ADAMTS19: variants seen among roughly 807,000 people sequenced by gnomAD.
The protein encoded by ADAMTS19 is ADAM metallopeptidase with thrombospondin type 1 motif 19.
Under a neutral mutation model 153.3 loss-of-function variants are expected in ADAMTS19, and 93 were observed. The ratio of observed to expected loss-of-function variants is 0.61; its 90% CI spans 0.51 to 0.72. ADAMTS19 has a LOEUF of 0.72. Ranked by LOEUF, ADAMTS19 falls within the 30% of genes least tolerant of loss-of-function variation. ADAMTS19 has a pLI of 0.00. For synonymous variants in ADAMTS19, 600 were observed against 556.6 expected, an observed-to-expected ratio of 1.08 and a Z score of -1.10; for missense variants, 1,482 against 1,552.1, an observed-to-expected ratio of 0.95 and a Z score of 0.76.
intron 5 of ADAMTS19, among the ~76,000 whole-genome samples, chr5:129,528,278 T>C (rs1379026426): frequency 6.6e-6 from 1 of 152,044 alleles, no homozygotes; most frequent in African/African-American, 2.4e-5. Context: ...ATATTCTTAA[T>C]TGAACCTCTT....
At chr5:129,632,937 C>T (rs1752365268) in intron 10 of ADAMTS19, among the ~76,000 whole-genome samples, 2 of 152,066 alleles carry the variant, frequency 1.3e-5, no homozygotes, top group African/African-American at 4.8e-5. Context: ...TGCCTTTTCT[C>T]AAATTTGGAA....
intron 6 of ADAMTS19, among the ~76,000 whole-genome samples, chr5:129,534,857 T>G (rs1752356245): frequency 6.6e-6 from 1 of 152,170 alleles, no homozygotes; most frequent in South Asian, 2.1e-4. Flanking sequence ...GAAAAGGCCT[T>G]TGACAAAATT....
chr5:129,662,887 CATTTTT>C (rs1753875225), intron 15 of ADAMTS19, among the ~76,000 whole-genome samples: 1 of 125,420 alleles, frequency 8.0e-6, no homozygotes, highest in South Asian at 2.4e-4. Context: ...GATTCTTCTT[CATTTTT>C]TTTTTTTTTT....
At position 129,492,493 on chromosome 5, in the gene ADAMTS19, ATAAT is replaced by A. The variant is rs746895148; in HGVS notation, c.748-16580_748-16577del. 1.6e-4 allele frequency among the ~76,000 whole-genome samples: 23 copies of A among 143,974 alleles called. No homozygotes were observed. In the South Asian group the frequency reaches 3.3e-3, roughly 21 times the overall value. 94.5% of individuals were successfully genotyped at this position (143,974 alleles called of 152,430 possible). A position where few individuals can be genotyped will look rare whatever the true frequency, so the allele number is the denominator to read the frequency against. ...CAGAGAGTACTGATGTATTGCTTGT[ATAAT>A]TAAAGGTCAGTGTGTGTGTGTGTGT... is the stretch of plus-strand genomic sequence containing the variant. On this transcript the variant is annotated intron_variant, in intron 2 of 22. Transcript: ENST00000274487.
At chr5:129,517,855 C>T (rs543468847) in intron 3 of ADAMTS19, among the ~76,000 whole-genome samples, 16 of 151,940 alleles carry the variant, frequency 1.1e-4, no homozygotes, top group East Asian at 5.8e-4. Context: ...GTTTTGTTGT[C>T]GTATCTTCCT....
At chr5:129,513,954 C>G (rs55796900) in intron 3 of ADAMTS19, among the ~76,000 whole-genome samples, 12,206 of 152,022 alleles carry the variant, frequency 0.08, 853 homozygotes, top group African/African-American at 0.2. Flanking sequence ...CCTTTCCTAG[C>G]CTCTGCTAAC....
chr5:129,621,480 T>A (rs763895881), intron 9 of ADAMTS19, among the ~76,000 whole-genome samples: 1 of 152,208 alleles, frequency 6.6e-6, no homozygotes, highest in Non-Finnish European at 1.5e-5. Flanking sequence ...CTTTTGTATA[T>A]CCTTTAAATA....
At chr5:129,622,579 T>G (rs2126980504) in intron 10 of ADAMTS19, among the ~76,000 whole-genome samples, 1 of 152,326 alleles carries the variant, frequency 6.6e-6, no homozygotes, top group South Asian at 2.1e-4. Flanking sequence ...ATTTCTACTT[T>G]GAAAATTACA....
intron 8 of ADAMTS19, among the ~76,000 whole-genome samples, chr5:129,610,008 A>G (rs563067861): frequency 1.6e-4 from 25 of 152,232 alleles, no homozygotes; most frequent in Middle Eastern, 6.8e-3. Flanking sequence ...ACATTTAACA[A>G]GACATTCAAC....
At chr5:129,523,589 A>C (rs1751899949) in intron 3 of ADAMTS19, among the ~76,000 whole-genome samples, 1 of 152,182 alleles carries the variant, frequency 6.6e-6, no homozygotes, top group Non-Finnish European at 1.5e-5. Flanking sequence ...TGTAAGTTAC[A>C]CCTCAATAAA....
Position 129,571,216 on chromosome 5 carries a change from A to G in ADAMTS19, c.1372+19309A>G, listed in dbSNP as rs115616437. On this transcript the variant is annotated intron_variant, in intron 7 of 22. Coordinates refer to ENST00000274487, the MANE Select transcript of ADAMTS19 (RefSeq NM_133638.6). ...CTAATAAATGAGGTTAGCAGAATCAAAGAATATAAGATTAACCCACAAAAA... is the reference window on the plus strand; with the variant it reads ...CTAATAAATGAGGTTAGCAGAATCAGAGAATATAAGATTAACCCACAAAAA... Among the ~76,000 whole-genome samples the G allele has an allele frequency of 4.6e-3, 706 of 152,048 alleles. 4 individuals carry two copies. Among genetic ancestry groups the G allele is most frequent in the African/African-American group, 0.016 (676 of 41,540 alleles).
chr5:129,466,425 G>A (rs780320868), intron 2 of ADAMTS19, among the ~76,000 whole-genome samples: 1 of 151,862 alleles, frequency 6.6e-6, no homozygotes, highest in Admixed American at 6.6e-5. Context: ...AGAAGAAAAA[G>A]AGCAGGTATA....
In ADAMTS19 at chr5:129,737,396, A is replaced by T; in HGVS notation, c.*178A>T. 2.0e-6 allele frequency: 1 copy of T among 506,176 alleles called. No individual in the cohort carries two copies. Among genetic ancestry groups the T allele is most frequent in the Non-Finnish European group, 3.1e-6 (1 of 317,722 alleles). The allele number at this position is 506,176 out of a possible 1,614,324, so 31.4% of individuals were successfully genotyped here. A position where few individuals can be genotyped will look rare whatever the true frequency, so the allele number is the denominator to read the frequency against. ...TTGTTTTGGTTACACAAACATTTTG[A>T]TTTATACTATATGGCTTCATAAATA... On this transcript the variant is annotated 3_prime_UTR_variant, in exon 23 of 23. Transcript: ENST00000274487.
At chr5:129,581,029 C>G (rs968965804) in intron 7 of ADAMTS19, among the ~76,000 whole-genome samples, 1 of 152,116 alleles carries the variant, frequency 6.6e-6, no homozygotes, top group Non-Finnish European at 1.5e-5. Context: ...CTCTTTGTAC[C>G]TCTGGTAGAA....
intron 6 of ADAMTS19, among the ~76,000 whole-genome samples, chr5:129,534,697 C>T (rs917577065): frequency 2.2e-4 from 34 of 152,134 alleles, no homozygotes; most frequent in Non-Finnish European, 2.9e-5. Flanking sequence ...AAACCGAATC[C>T]AGCAGCACAT....
intron 2 of ADAMTS19, among the ~76,000 whole-genome samples, chr5:129,486,393 A>T (rs1750592821): frequency 6.6e-6 from 1 of 152,230 alleles, no homozygotes; most frequent in South Asian, 2.1e-4. Context: ...ATTATGACAA[A>T]AAAAGAGTTT....
chr5:129,608,650 A>G (rs1751045892), intron 8 of ADAMTS19, among the ~76,000 whole-genome samples: 1 of 152,090 alleles, frequency 6.6e-6, no homozygotes, highest in Non-Finnish European at 1.5e-5. Context: ...AATGGCTCAC[A>G]GTGGAGCACA....
intron 7 of ADAMTS19, among the ~76,000 whole-genome samples, chr5:129,589,114 T>C (rs1749967346): frequency 6.6e-6 from 1 of 151,956 alleles, no homozygotes; most frequent in African/African-American, 2.4e-5. Context: ...GATTTGTTCA[T>C]GTTTTATCTA....
Position 129,665,538 on chromosome 5 carries a change from G to A in ADAMTS19, c.2465G>A (p.Arg822Lys). The A allele has an allele frequency of 2.5e-6, 4 of 1,610,752 alleles. No individual in the cohort carries two copies. Among genetic ancestry groups the A allele is most frequent in the Non-Finnish European group, 3.4e-6 (4 of 1,177,894 alleles). The change falls in exon 16 of 23, where the codon AGA (arginine) becomes AAA (lysine). Residue 822 changes from arginine to lysine, a missense_variant. Physicochemically the swap from Arg to Lys is conservative, Grantham distance 26 (BLOSUM62 2). Around this residue, in one of 2 missense-constraint regions of ADAMTS19, gnomAD observed 616 missense variants for 724.4 expected, o/e 0.85. Coordinates refer to ENST00000274487, the MANE Select transcript of ADAMTS19 (RefSeq NM_133638.6). Reference protein sequence around the residue: ...EVLVIPAGARRIKVVEEKPAH... With the variant: ...EVLVIPAGARKIKVVEEKPAH... The stretch of plus-strand genomic sequence containing the variant: ...CTGGTGATACCTGCTGGAGCAAGAA[G>A]AATCAAAGTTGTGGAGGAAAAGCCG...
Sources: gnomAD v4.1 joint callset for allele counts (sites outside exome capture counted in the v4.1 genomes callset) on GRCh38, gnomAD v4.1.1 for gene constraint, gnomAD v4.1.1 regional missense constraint, MANE v1.5 for transcripts, NCBI Gene and HGNC (gene_info 2026-07-23, HGNC 2026-07-21) for gene names.